The following DPP10 variants were observed in gnomAD, a reference collection of about 807,000 sequenced individuals.
DPP10 encodes the protein dipeptidyl peptidase like 10.
DPP10 carries 33 observed loss-of-function variants against 120.9 expected under a neutral mutation model. The observed-to-expected ratio is 0.27, with a 90% CI of 0.21 to 0.37. The LOEUF is 0.37. DPP10 is among the 10% of genes least tolerant of loss of function. The pLI is 1.00. For synonymous variants in DPP10, 337 were observed against 326.1 expected (o/e 1.03, Z -0.36); for missense variants, 816 against 942.8 (o/e 0.87, Z 1.76).
chr2:114,805,246 A>G (rs573962274), intron 1 of DPP10, among the ~76,000 whole-genome samples: 304 of 152,346 alleles, frequency 2.0e-3, no homozygotes, highest in African/African-American at 7.0e-3. Flanking sequence ...TATTGGCAGC[A>G]TTAAAACAGA....
At chr2:115,594,718 C>T (rs1312414178) in intron 5 of DPP10, among the ~76,000 whole-genome samples, 1 of 152,064 alleles carries the variant, frequency 6.6e-6, no homozygotes, top group Non-Finnish European at 1.5e-5. Context: ...GATGATAAAC[C>T]ACTTTTTGAG....
chr2:115,740,258 G>A (rs900259653), intron 9 of DPP10, among the ~76,000 whole-genome samples: 1 of 152,006 alleles, frequency 6.6e-6, no homozygotes, highest in African/African-American at 2.4e-5. Flanking sequence ...GGAGGGGAAA[G>A]TGCCATGGTC....
intron 3 of DPP10, among the ~76,000 whole-genome samples, chr2:115,437,460 G>T (rs1439861577): frequency 6.6e-6 from 1 of 152,164 alleles, no homozygotes; most frequent in African/African-American, 2.4e-5. Flanking sequence ...GAAGTGGAGT[G>T]AAAATGATTA....
intron 5 of DPP10, among the ~76,000 whole-genome samples, chr2:115,606,658 C>T (rs1352528911): frequency 1.3e-5 from 2 of 152,092 alleles, no homozygotes; most frequent in East Asian, 3.9e-4. Flanking sequence ...AAAGAGCGTT[C>T]ATCTATTCCT....
At chr2:114,738,552 T>TAGCCTGTGTGAGGAGCACC (rs1204193915) in intron 1 of DPP10, among the ~76,000 whole-genome samples, 25 of 152,246 alleles carry the variant, frequency 1.6e-4, no homozygotes, top group African/African-American at 3.6e-4. Context: ...TGGGGAGCAC[T>TAGCCTGTGTGAGGAGCACC]AGCCTGTGTG....
At chr2:114,461,236 T>C (rs1252229565) in intron 1 of DPP10, among the ~76,000 whole-genome samples, 1 of 152,158 alleles carries the variant, frequency 6.6e-6, no homozygotes, top group South Asian at 2.1e-4. Flanking sequence ...TCTTGTGAAG[T>C]TAGGAATTGG....
intron 1 of DPP10, among the ~76,000 whole-genome samples, chr2:114,923,713 G>C (rs962626410): frequency 6.6e-6 from 1 of 150,634 alleles, no homozygotes; most frequent in Non-Finnish European, 1.5e-5. Context: ...TGATCCGCCC[G>C]CCTTGGCCTC....
chr2:115,507,511 A>T (rs891096870), intron 4 of DPP10, among the ~76,000 whole-genome samples: 1 of 152,190 alleles, frequency 6.6e-6, no homozygotes, highest in African/African-American at 2.4e-5. Flanking sequence ...TTCAAGGTCA[A>T]ATTGAAGAGT....
intron 1 of DPP10, among the ~76,000 whole-genome samples, chr2:114,632,089 A>C (rs1472224107): frequency 6.6e-6 from 1 of 152,106 alleles, no homozygotes; most frequent in East Asian, 1.9e-4. Flanking sequence ...TGTAAGCTTA[A>C]ATAAGTTAGC....
chr2:114,840,652 G>T (rs1558798468), intron 1 of DPP10, among the ~76,000 whole-genome samples: 1 of 152,160 alleles, frequency 6.6e-6, no homozygotes, highest in Non-Finnish European at 1.5e-5. Flanking sequence ...AAGAAGAGTT[G>T]TCATTCTATT....
chr2:115,297,477 C>T (rs2060936640), intron 1 of DPP10, among the ~76,000 whole-genome samples: 1 of 151,894 alleles, frequency 6.6e-6, no homozygotes, highest in Non-Finnish European at 1.5e-5. Flanking sequence ...ATTTGACATT[C>T]TAAAAGTAAC....
chr2:115,729,577 A>G (rs935393978), intron 8 of DPP10, among the ~76,000 whole-genome samples: 4 of 152,196 alleles, frequency 2.6e-5, no homozygotes, highest in Non-Finnish European at 5.9e-5. Context: ...ACCAGCCTAG[A>G]CAAAATAGCA....
intron 1 of DPP10, among the ~76,000 whole-genome samples, chr2:115,094,942 A>G (rs1709589470): frequency 6.6e-6 from 1 of 152,190 alleles, no homozygotes; most frequent in African/African-American, 2.4e-5. Context: ...CAAGCCATAC[A>G]AAAACAGACA....
At position 115,826,566 on chromosome 2, in the gene DPP10, C is replaced by T. The variant is rs1013180753; in HGVS notation, c.1951-9591C>T. ...TAAAACACCGTCTCTACTAAAAATA[C>T]AAAAATTAGCCGGGCATGATGGTAA... On this transcript the variant is annotated intron_variant, in intron 21 of 25. Coordinates refer to ENST00000410059, the MANE Select transcript of DPP10 (RefSeq NM_020868.6). Among the ~76,000 whole-genome samples the T allele has an allele frequency of 2.2e-4, 33 of 151,998 alleles. 1 individual carries two copies. The highest frequency in any genetic ancestry group is 8.3e-4 in the South Asian group (4 of 4,818).
intron 1 of DPP10, among the ~76,000 whole-genome samples, chr2:114,863,503 C>T (rs950504522): frequency 2.6e-5 from 4 of 152,072 alleles, no homozygotes; most frequent in East Asian, 1.9e-4. Context: ...CCCGTATCTT[C>T]ACTCTTCCAT....
At chr2:114,471,320 C>T (rs1276551264) in intron 1 of DPP10, among the ~76,000 whole-genome samples, 1 of 152,064 alleles carries the variant, frequency 6.6e-6, no homozygotes, top group African/African-American at 2.4e-5. Flanking sequence ...TTGGCAAAGT[C>T]AAGAGACCAT....
At chr2:115,325,335 G>A (rs188857526) in intron 2 of DPP10, among the ~76,000 whole-genome samples, 140 of 152,184 alleles carry the variant, frequency 9.2e-4, no homozygotes, top group African/African-American at 3.1e-3. Flanking sequence ...TTTAGTGAAA[G>A]TTCTTGATAA....
In DPP10 at chr2:115,814,947, T is replaced by G; in HGVS notation, c.1855T>G (p.Leu619Val). The part of the protein sequence containing the change: ...LKILQEIHRR[L>V]GSVEVKDQIT... ...AATTTTGCAGGAGATTCATCGAAGA[T>G]TAGGTTCAGTAGAAGTAAAGGACCA... The change falls in exon 20 of 26, where the codon TTA becomes GTA. Residue 619 changes from leucine to valine, a missense_variant. By Grantham distance (32) the Leu-to-Val change is conservative. This residue lies in a region of DPP10 where 592 missense variants were observed against 649.0 expected (regional missense o/e 0.91). Coordinates refer to ENST00000410059, the MANE Select transcript of DPP10 (RefSeq NM_020868.6). 6.2e-7 allele frequency: 1 copy of G among 1,612,118 alleles called. No homozygotes were observed. Among genetic ancestry groups the G allele is most frequent in the Non-Finnish European group, 8.5e-7 (1 of 1,178,578 alleles).
At chr2:115,498,240 T>G (rs2076505715) in intron 3 of DPP10, among the ~76,000 whole-genome samples, 3 of 152,140 alleles carry the variant, frequency 2.0e-5, no homozygotes. Flanking sequence ...TATTGGACTA[T>G]GTGTTTTGAA....
Sources: gnomAD v4.1 joint callset for allele counts (sites outside exome capture counted in the v4.1 genomes callset) on GRCh38, gnomAD v4.1.1 for gene constraint, gnomAD v4.1.1 regional missense constraint, MANE v1.5 for transcripts, NCBI Gene and HGNC (gene_info 2026-07-23, HGNC 2026-07-21) for gene names.